The following TBC1D32 variants were observed in gnomAD, a reference collection of about 807,000 sequenced individuals.
TBC1D32 encodes protein broad-minded.
In TBC1D32, 151 loss-of-function variants were observed where a neutral mutation model predicts 170.3. The ratio of observed to expected loss-of-function variants is 0.89; its 90% CI spans 0.78 to 1.01. The LOEUF (loss-of-function observed/expected upper bound fraction) is 1.01. Ranked by LOEUF, TBC1D32 falls within the 50% of genes least tolerant of loss-of-function variation. The pLI is 0.00. For synonymous variants in TBC1D32, 498 were observed against 488.0 expected (o/e 1.02, Z -0.27); for missense variants, 1,464 against 1,457.1 (o/e 1.00, Z -0.08).
intron 13 of TBC1D32, among the ~76,000 whole-genome samples, chr6:121,283,105 T>C (rs908717096): frequency 2.0e-5 from 3 of 151,834 alleles, no homozygotes; most frequent in South Asian, 4.1e-4. Context: ...AGTTGATAGA[T>C]ATGTTATAGC....
At chr6:121,085,247 G>A (rs1458635854) in intron 31 of TBC1D32, among the ~76,000 whole-genome samples, 18 of 107,514 alleles carry the variant, frequency 1.7e-4, no homozygotes, top group Middle Eastern at 9.7e-3. Flanking sequence ...ATATACATAC[G>A]TATATATATA....
At chr6:121,292,860 G>A (rs1358849360) in intron 11 of TBC1D32, among the ~76,000 whole-genome samples, 3 of 152,160 alleles carry the variant, frequency 2.0e-5, no homozygotes, top group African/African-American at 7.2e-5. Context: ...AGAGAACTGG[G>A]CAGGAGCAAA....
chr6:121,307,930 G>T, intron 5 of TBC1D32, 46 bp downstream of exon 5: 1 of 1,564,476 alleles, frequency 6.4e-7, no homozygotes, highest in Non-Finnish European at 8.7e-7. Context: ...TTCCAGAATG[G>T]TGGGAAAACA....
intron 2 of TBC1D32, 139 bp from the exon 3 acceptor site, chr6:121,317,811 AT>A (rs1276866810): frequency 3.8e-6 from 2 of 523,130 alleles, no homozygotes; most frequent in Admixed American, 8.1e-5. Flanking sequence ...ATCGAACTCA[AT>A]TTTTCTTAAA....
At chr6:121,213,429 A>C (rs146792737) in intron 21 of TBC1D32, among the ~76,000 whole-genome samples, 1 of 151,180 alleles carries the variant, frequency 6.6e-6, no homozygotes, top group Non-Finnish European at 1.5e-5. Flanking sequence ...GAGCCAAATC[A>C]GGAATTCAAT....
At chr6:121,242,095 A>T in intron 18 of TBC1D32, 106 bp downstream of exon 18, 2 of 1,214,168 alleles carry the variant, frequency 1.6e-6, no homozygotes, top group Non-Finnish European at 2.3e-6. Flanking sequence ...ATGGTCTTTT[A>T]ACAGAGGCTT....
intron 22 of TBC1D32, among the ~76,000 whole-genome samples, chr6:121,175,118 T>C (rs1384633935): frequency 6.6e-6 from 1 of 152,072 alleles, no homozygotes; most frequent in Non-Finnish European, 1.5e-5. Context: ...GGGTGTTTAG[T>C]TTGAACAATA....
At chr6:121,275,483 A>AATGAG (rs947900724) in intron 15 of TBC1D32, among the ~76,000 whole-genome samples, 4 of 152,224 alleles carry the variant, frequency 2.6e-5, no homozygotes, top group African/African-American at 7.2e-5. Flanking sequence ...CCACAGGAGC[A>AATGAG]ATGAGATGCT....
chr6:121,313,295 A>C (rs1443839014), intron 3 of TBC1D32, among the ~76,000 whole-genome samples: 1 of 109,498 alleles, frequency 9.1e-6, no homozygotes, highest in Non-Finnish European at 1.8e-5. Context: ...TTTTTTTTTG[A>C]GACGGCATCT....
intron 29 of TBC1D32, among the ~76,000 whole-genome samples, chr6:121,110,283 A>T (rs1007192088): frequency 2.0e-5 from 3 of 149,568 alleles, no homozygotes; most frequent in African/African-American, 4.9e-5. Flanking sequence ...TATATATAAA[A>T]ATATATAAAT....
At chr6:121,220,510 G>A (rs1794368851) in intron 21 of TBC1D32, among the ~76,000 whole-genome samples, 1 of 152,078 alleles carries the variant, frequency 6.6e-6, no homozygotes, top group African/African-American at 2.4e-5. Context: ...TGGGATTCAA[G>A]GAAAGAAGCT....
intron 30 of TBC1D32, among the ~76,000 whole-genome samples, chr6:121,104,443 T>C (rs952360965): frequency 5.3e-5 from 8 of 151,704 alleles, no homozygotes; most frequent in East Asian, 1.9e-4. Flanking sequence ...TACTTAACGA[T>C]AACATGCTGG....
At chr6:121,239,300 T>C (rs1377652916) in intron 19 of TBC1D32, 112 bp from the exon 20 acceptor site, 3 of 510,694 alleles carry the variant, frequency 5.9e-6, no homozygotes, top group East Asian at 2.8e-5. Flanking sequence ...AGAAGACACA[T>C]ACTTGCATCT....
At chr6:121,321,370 A>G (rs1183112302) in intron 2 of TBC1D32, among the ~76,000 whole-genome samples, 1 of 152,154 alleles carries the variant, frequency 6.6e-6, no homozygotes, top group Non-Finnish European at 1.5e-5. Flanking sequence ...GAGGGAGAAA[A>G]TGATAAGAAA....
At chr6:121,310,325 T>C (rs1397120494) in intron 4 of TBC1D32, among the ~76,000 whole-genome samples, 1 of 152,196 alleles carries the variant, frequency 6.6e-6, no homozygotes, top group South Asian at 2.1e-4. Context: ...TTCCTCAGTG[T>C]ATACATATTT....
intron 26 of TBC1D32, among the ~76,000 whole-genome samples, chr6:121,124,605 T>C (rs140209188): frequency 4.6e-5 from 7 of 152,270 alleles, no homozygotes; most frequent in Non-Finnish European, 1.0e-4. Context: ...TTATTTTTCC[T>C]GGAATAAACT....
chr6:121,112,740 T>C, intron 28 of TBC1D32, 81 bp from the exon 29 acceptor site: 19 of 1,190,616 alleles, frequency 1.6e-5, no homozygotes, highest in Non-Finnish European at 2.1e-5. Context: ...AAAATGAATA[T>C]ATTAAATAAA....
At chr6:121,316,014 C>T (rs1297314819) in intron 3 of TBC1D32, among the ~76,000 whole-genome samples, 1 of 152,088 alleles carries the variant, frequency 6.6e-6, no homozygotes, top group Non-Finnish European at 1.5e-5. Context: ...ATATACCCTG[C>T]GGACATCCCA....
chr6:121,294,416 A>T (rs1805313339), intron 11 of TBC1D32, among the ~76,000 whole-genome samples, 154 bp downstream of exon 11: 1 of 152,192 alleles, frequency 6.6e-6, no homozygotes, highest in African/African-American at 2.4e-5. Flanking sequence ...AGTGTATCTT[A>T]TAAATGTGTA....
Sources: allele counts gnomAD v4.1 joint callset (sites outside exome capture counted in the v4.1 genomes callset), GRCh38; gene constraint gnomAD v4.1.1; transcripts MANE v1.5; gene names NCBI Gene and HGNC (gene_info 2026-07-23, HGNC 2026-07-21).